Variants in DLC1 observed in about 807,000 individuals in gnomAD.
DLC1 encodes rho GTPase-activating protein 7.
A neutral mutation model predicts 140.3 loss-of-function variants in DLC1; 54 were observed. That is an observed-to-expected ratio of 0.38 (90% CI 0.31 to 0.48). DLC1 has a LOEUF of 0.48. Ranked by LOEUF, DLC1 falls within the 20% of genes least tolerant of loss-of-function variation. The pLI, the probability that DLC1 is intolerant of heterozygous loss-of-function variation, is 0.96. For missense variants in DLC1, 2,536 were observed against 1,907.0 expected (o/e 1.33, Z -6.14); for synonymous variants, 986 against 728.1 (o/e 1.35, Z -5.70).
At chr8:13,563,559 G>A (rs139695010) in intron 1 of DLC1, among the ~76,000 whole-genome samples, 3 of 152,300 alleles carry the variant, frequency 2.0e-5, no homozygotes, top group African/African-American at 7.2e-5. Context: ...AGACTTGCTT[G>A]ATTCACAGAA....
At chr8:13,171,003 C>G (rs1229015015) in intron 5 of DLC1, among the ~76,000 whole-genome samples, 1 of 152,124 alleles carries the variant, frequency 6.6e-6, no homozygotes, top group Non-Finnish European at 1.5e-5. Context: ...AACTATAACT[C>G]ATGTTATGTT....
intron 5 of DLC1, among the ~76,000 whole-genome samples, chr8:13,133,937 T>C (rs1224895565): frequency 1.3e-5 from 2 of 152,158 alleles, no homozygotes; most frequent in Non-Finnish European, 2.9e-5. Flanking sequence ...AGGTGATAAA[T>C]ACTGCCTTAG....
intron 5 of DLC1, among the ~76,000 whole-genome samples, chr8:13,301,411 A>C (rs1328521415): frequency 6.6e-6 from 1 of 152,218 alleles, no homozygotes; most frequent in Non-Finnish European, 1.5e-5. Flanking sequence ...CAAGGACATC[A>C]GTGATGCAGC....
rs191111001 is a variant in DLC1 at position 13,229,831 on chromosome 8, G to C, written c.1348+75438C>G. 1.2e-3 allele frequency among the ~76,000 whole-genome samples: 190 copies of C among 152,250 alleles called. 1 individual carries two copies. Among genetic ancestry groups the C allele is most frequent in the African/African-American group, 4.2e-3 (175 of 41,562 alleles). On this transcript the variant is annotated intron_variant, in intron 5 of 17. Coordinates refer to ENST00000276297, the MANE Select transcript of DLC1 (RefSeq NM_182643.3). ...AATAAATTCTGAAAGTGTTCACTGCGCTCAAATTGGTGACCTGCAGTTATC... is the reference window on the plus strand; with the variant it reads ...AATAAATTCTGAAAGTGTTCACTGCCCTCAAATTGGTGACCTGCAGTTATC...
At chr8:13,355,188 T>TA (rs59132995) in intron 4 of DLC1, among the ~76,000 whole-genome samples, 3 of 151,724 alleles carry the variant, frequency 2.0e-5, no homozygotes, top group Admixed American at 6.6e-5. Context: ...AAACTAAAAC[T>TA]TATTATCTGT....
At chr8:13,457,897 G>A (rs1799486108) in intron 2 of DLC1, among the ~76,000 whole-genome samples, 1 of 151,942 alleles carries the variant, frequency 6.6e-6, no homozygotes, top group African/African-American at 2.4e-5. Flanking sequence ...TGTGGGAATA[G>A]CTGAAAAGAG....
intron 1 of DLC1, among the ~76,000 whole-genome samples, chr8:13,555,157 C>T (rs1803997322): frequency 1.3e-5 from 2 of 152,182 alleles, no homozygotes; most frequent in African/African-American, 4.8e-5. Context: ...ACACACTTTC[C>T]TTGACCACTG....
chr8:13,165,375 G>A (rs925484929), intron 5 of DLC1, among the ~76,000 whole-genome samples: 1 of 152,286 alleles, frequency 6.6e-6, no homozygotes, highest in African/African-American at 2.4e-5. Flanking sequence ...AGGTTTTCGC[G>A]TGACACACGG....
At chr8:13,404,764 G>C (rs1837450101) in intron 2 of DLC1, among the ~76,000 whole-genome samples, 3 of 152,086 alleles carry the variant, frequency 2.0e-5, no homozygotes, top group Non-Finnish European at 4.4e-5. Context: ...TTGGGAGGCA[G>C]AGGTGGGTGA....
At chr8:13,522,145 T>A (rs1802784729) in intron 1 of DLC1, among the ~76,000 whole-genome samples, 1 of 152,162 alleles carries the variant, frequency 6.6e-6, no homozygotes, top group African/African-American at 2.4e-5. Flanking sequence ...TGTTTCCTGG[T>A]ACTGCGCAGT....
chr8:13,298,745 A>C (rs748099762), intron 5 of DLC1, among the ~76,000 whole-genome samples: 3 of 152,198 alleles, frequency 2.0e-5, no homozygotes, highest in Non-Finnish European at 4.4e-5. Flanking sequence ...CAGGGGATAA[A>C]AATAACCTGT....
intron 11 of DLC1, 63 bp downstream of exon 11, chr8:13,095,023 T>C: frequency 6.2e-7 from 1 of 1,613,574 alleles, no homozygotes; most frequent in South Asian, 1.1e-5. Context: ...ACCACACAAC[T>C]AGAAGAAGCT....
At chr8:13,289,042 C>G (rs898550880) in intron 5 of DLC1, among the ~76,000 whole-genome samples, 1 of 152,180 alleles carries the variant, frequency 6.6e-6, no homozygotes, top group Non-Finnish European at 1.5e-5. Flanking sequence ...CCATTCTCCA[C>G]TTTCATTCTG....
chr8:13,578,124 C>T (rs964498305), intron 1 of DLC1, among the ~76,000 whole-genome samples: 2 of 152,040 alleles, frequency 1.3e-5, no homozygotes, highest in African/African-American at 4.8e-5. Context: ...TGGCTCCTTT[C>T]CTCAAATTCA....
At chr8:13,461,724 T>C (rs1799668799) in intron 2 of DLC1, among the ~76,000 whole-genome samples, 1 of 152,174 alleles carries the variant, frequency 6.6e-6, no homozygotes, top group African/African-American at 2.4e-5. Flanking sequence ...TTCTACAGGA[T>C]AGGGAACAGA....
chr8:13,109,103 T>G (rs1819840314), intron 7 of DLC1, among the ~76,000 whole-genome samples: 1 of 152,142 alleles, frequency 6.6e-6, no homozygotes, highest in South Asian at 2.1e-4. Context: ...ATGCTAAATA[T>G]CCCATCTATC....
intron 4 of DLC1, among the ~76,000 whole-genome samples, chr8:13,370,968 G>T (rs1441480449): frequency 1.3e-5 from 2 of 152,068 alleles, no homozygotes; most frequent in African/African-American, 2.4e-5. Flanking sequence ...GCTCTGATGT[G>T]GGTGACGTAC....
Position 13,393,643 on chromosome 8 carries a change from C to G in DLC1, c.1224G>C (p.Gln408His), listed in dbSNP as rs1324016929. The change falls in exon 4 of 18, where the codon CAG becomes CAC. Residue 408 changes from glutamine to histidine, a missense_variant. Transcript: ENST00000276297. Reference sequence around the variant, plus strand: ...TGTCAGAAGACAAATTTACTCGTGTCTGATTTACTGAAATGGTATCTGCTC... The same window carrying G: ...TGTCAGAAGACAAATTTACTCGTGTGTGATTTACTGAAATGGTATCTGCTC... Reference protein sequence around the residue: ...ESGADTISVNQTRVNLSSDTE... With the variant: ...ESGADTISVNHTRVNLSSDTE... 1.9e-6 allele frequency: 3 copies of G among 1,614,090 alleles called. No individual in the cohort carries two copies. Among genetic ancestry groups the G allele is most frequent in the Admixed American group, 1.7e-5 (1 of 59,992 alleles).
chr8:13,573,101 C>A (rs62493192), intron 1 of DLC1, among the ~76,000 whole-genome samples: 2 of 152,096 alleles, frequency 1.3e-5, no homozygotes, highest in African/African-American at 4.8e-5. Flanking sequence ...TTCCAATTCA[C>A]GCACATTGAT....
Sources: allele counts gnomAD v4.1 joint callset (sites outside exome capture counted in the v4.1 genomes callset), GRCh38; gene constraint gnomAD v4.1.1; transcripts MANE v1.5; gene names NCBI Gene and HGNC (gene_info 2026-07-23, HGNC 2026-07-21).